Variants in SMIM24 observed in about 807,000 individuals in gnomAD.
SMIM24 encodes MAP17-related dimer.
SMIM24 carries 6 observed loss-of-function variants against 10.8 expected under a neutral mutation model. The observed-to-expected ratio is 0.55, with a 90% CI of 0.30 to 1.09. SMIM24 has a LOEUF of 1.09. Among genes scored for constraint, SMIM24 ranks in the 50% least tolerant of loss-of-function variants. SMIM24 has a pLI of 0.06. For missense variants in SMIM24, 151 were observed against 153.4 expected, an observed-to-expected ratio of 0.98 and a Z score of 0.08; for synonymous variants, 71 against 62.4, an observed-to-expected ratio of 1.14 and a Z score of -0.65.
At chr19:3,476,847 G>A (rs970853533) in intron 3 of SMIM24, among the ~76,000 whole-genome samples, 2 of 135,362 alleles carry the variant, frequency 1.5e-5, no homozygotes, top group African/African-American at 5.3e-5. Flanking sequence ...GGTGATGGAT[G>A]GATAGGTGAT....
intron 3 of SMIM24, among the ~76,000 whole-genome samples, chr19:3,475,953 T>C (rs2082790602): frequency 6.6e-6 from 1 of 151,954 alleles, no homozygotes; most frequent in Admixed American, 6.6e-5. Context: ...AATGGACTGC[T>C]GCATGGAGGT....
chr19:3,479,535 AGT>A (rs1381910971), intron 1 of SMIM24, among the ~76,000 whole-genome samples: 4 of 137,556 alleles, frequency 2.9e-5, no homozygotes, highest in Non-Finnish European at 4.7e-5. Context: ...AGGGTCTCAG[AGT>A]GGGAGGGGCT....
At chr19:3,479,607 AG>A (rs1599751669) in intron 1 of SMIM24, among the ~76,000 whole-genome samples, 1 of 132,376 alleles carries the variant, frequency 7.6e-6, no homozygotes, top group Non-Finnish European at 1.6e-5. Context: ...CTCAGAGGGG[AG>A]GGGCTTACAA....
At chr19:3,477,438 G>A (rs1158820195) in intron 3 of SMIM24, among the ~76,000 whole-genome samples, 1 of 148,406 alleles carries the variant, frequency 6.7e-6, no homozygotes, top group Non-Finnish European at 1.5e-5. Context: ...ATAGATGGGT[G>A]GGTGGGCAGC....
intron 3 of SMIM24, among the ~76,000 whole-genome samples, chr19:3,476,399 C>T (rs2082792243): frequency 6.6e-6 from 1 of 150,752 alleles, no homozygotes. Flanking sequence ...GGTAGGTGGA[C>T]TGATGGATGG....
intron 1 of SMIM24, 26 bp downstream of exon 1, chr19:3,480,371 G>GCCCCCACCCCC: frequency 1.5e-6 from 2 of 1,370,124 alleles, no homozygotes; most frequent in Non-Finnish European, 2.0e-6. Context: ...ATCCCGCGAC[G>GCCCCCACCCCC]CCCCCTCCCG....
In SMIM24 at chr19:3,478,931, T is replaced by C; in HGVS notation, c.68-2A>G. On this transcript the variant is annotated splice_acceptor_variant, in intron 1 of 3. Transcript: ENST00000215531. LOFTEE classifies it high-confidence loss of function. ...ACGGCTTCAGGCGATGCTCCGTGGC[T>C]GCAGGAAGTTGGGGAGGTTCGACTC... The C allele has an allele frequency of 1.9e-6, 3 of 1,549,108 alleles. No individual in the cohort carries two copies. The South Asian group carries it at 3.6e-5, about 18-fold the overall frequency.
rs1189794088 is a variant in SMIM24, at chr19:3,474,944, T to G, written c.292A>C (p.Lys98Gln). The G allele has an allele frequency of 8.4e-6, 13 of 1,551,662 alleles. No individual in the cohort carries two copies. Among genetic ancestry groups the G allele is most frequent in the Non-Finnish European group, 1.0e-5 (12 of 1,147,002 alleles). The change falls in exon 4 of 4, where the codon AAG becomes CAG. Residue 98 changes from lysine to glutamine, a missense_variant. By Grantham distance (53) the Lys-to-Gln change is moderately conservative. Coordinates refer to ENST00000215531, the MANE Select transcript of SMIM24 (RefSeq NM_001136503.2). The part of the protein sequence containing the change: ...EAKEKEEKRK[K>Q]EKKTAKEGES... ...CCTTCCTTTGCTGTCTTTTTCTCCT[T>G]CTTCCTCTTCTCTTCTTTCTCCTTG...
rs772717085 is a variant in SMIM24 at position 3,474,879 on chromosome 19, G to A, written c.357C>T (p.Pro119=). 7.1e-6 allele frequency: 11 copies of A among 1,551,428 alleles called. No homozygotes were observed. The highest frequency in any genetic ancestry group is 5.5e-5 in the African/African-American group (4 of 72,978). Residue 119 remains proline (P), a synonymous_variant, in exon 4 of 4, where the codon CCC becomes CCT. Transcript: ENST00000215531. ...TGCTCTTTGCTCTCTCATGGTCTCC[G>A]GGCTCTTTTTCCTCCAGATCCAGTC... ...NLGLDLEEKE[P]GDHERAKSTV... is the part of the protein sequence containing the mutation.
Position 3,478,903 on chromosome 19 carries a change from G to C in SMIM24, c.94C>G (p.Leu32Val). 6.5e-7 allele frequency: 1 copy of C among 1,550,026 alleles called. No individual in the cohort carries two copies. Among genetic ancestry groups the C allele is most frequent in the East Asian group, 2.4e-5 (1 of 40,904 alleles). Residue 32 changes from leucine (L) to valine (V), a missense_variant, in exon 2 of 4, where the codon CTG becomes GTG. Leu to Val is a conservative substitution (Grantham distance 32, BLOSUM62 1). Transcript: ENST00000215531. Reference sequence around the variant, plus strand: ...CCGACTACCGCAGCCAGGCCCACCAGCCACGGCTTCAGGCGATGCTCCGTG... The same window carrying C: ...CCGACTACCGCAGCCAGGCCCACCACCCACGGCTTCAGGCGATGCTCCGTG... ...QATEHRLKPW[L>V]VGLAAVVGFL...
chr19:3,478,251 C>T (rs1487867220), intron 3 of SMIM24, among the ~76,000 whole-genome samples, 168 bp downstream of exon 3: 1 of 152,120 alleles, frequency 6.6e-6, no homozygotes, highest in African/African-American at 2.4e-5. Context: ...AAACCCCTGA[C>T]TAGGGACTGG....
intron 1 of SMIM24, among the ~76,000 whole-genome samples, chr19:3,479,927 G>A (rs941707217): frequency 6.8e-6 from 1 of 146,124 alleles, no homozygotes; most frequent in Non-Finnish European, 1.5e-5. Flanking sequence ...CAGAGGGAGA[G>A]GGGCTTATAG....
chr19:3,478,683 G>A (rs1200658287), intron 2 of SMIM24, 135 bp downstream of exon 2: 3 of 858,392 alleles, frequency 3.5e-6, no homozygotes, highest in Non-Finnish European at 5.3e-6. Context: ...GGCTCTGAGA[G>A]TAGAGGTTGG....
At chr19:3,476,820 G>T (rs2082793705) in intron 3 of SMIM24, among the ~76,000 whole-genome samples, 1 of 147,864 alleles carries the variant, frequency 6.8e-6, no homozygotes, top group African/African-American at 2.5e-5. Context: ...GTGGGTGGAT[G>T]AATGAGTGAA....
chr19:3,476,675 C>A (rs1042922254), intron 3 of SMIM24, among the ~76,000 whole-genome samples: 5 of 152,108 alleles, frequency 3.3e-5, no homozygotes, highest in Admixed American at 3.3e-4. Flanking sequence ...AGGCTGGTCA[C>A]CTCCCAGCTC....
intron 3 of SMIM24, among the ~76,000 whole-genome samples, chr19:3,476,751 T>TGGATGGATGGATGGAA (rs2082793406): frequency 6.6e-6 from 1 of 151,866 alleles, no homozygotes; most frequent in East Asian, 1.9e-4. Flanking sequence ...GATGGATGGA[T>TGGATGGATGGATGGAA]GGATGGATGG....
At position 3,478,860 on chromosome 19, in the gene SMIM24, T is replaced by TAGAC; in HGVS notation, c.133_136dup (p.Tyr46CysfsTer18). On this transcript the variant is annotated frameshift_variant, in exon 2 of 4. Coordinates refer to ENST00000215531, the MANE Select transcript of SMIM24 (RefSeq NM_001136503.2). LOFTEE classifies it high-confidence loss of function. ...GAGGCGGTTGGCCAGCAAGACCAAATAGACGATGAACAGGAAGCCGACTAC... is the reference window on the plus strand; with the variant it reads ...GAGGCGGTTGGCCAGCAAGACCAAATAGACAGACGATGAACAGGAAGCCGACTAC... 6.5e-7 allele frequency: 1 copy of TAGAC among 1,549,296 alleles called. No individual in the cohort carries two copies. The highest frequency in any genetic ancestry group is 8.7e-7 in the Non-Finnish European group (1 of 1,146,612).
intron 3 of SMIM24, among the ~76,000 whole-genome samples, chr19:3,477,031 GA>G (rs2122019385): frequency 6.9e-6 from 1 of 144,772 alleles, no homozygotes; most frequent in Non-Finnish European, 1.5e-5. Flanking sequence ...GTGGATGGGT[GA>G]GTGGGTGGAT....
intron 3 of SMIM24, among the ~76,000 whole-genome samples, chr19:3,477,495 TGATG>T (rs1465851850): frequency 7.3e-6 from 1 of 136,746 alleles, no homozygotes; most frequent in Non-Finnish European, 1.6e-5. Context: ...GATGGATGGA[TGATG>T]GATGGATGGA....
Sources: gnomAD v4.1 joint callset for allele counts (sites outside exome capture counted in the v4.1 genomes callset) on GRCh38, gnomAD v4.1.1 for gene constraint, MANE v1.5 for transcripts, NCBI Gene and HGNC (gene_info 2026-07-23, HGNC 2026-07-21) for gene names.